The following TARS3 variants were observed in gnomAD, a reference collection of about 807,000 sequenced individuals.
TARS3 encodes the protein threonyl-tRNA synthetase 3.
A neutral mutation model predicts 103.5 loss-of-function variants in TARS3; 94 were observed. The observed-to-expected ratio is 0.91, with a 90% CI of 0.77 to 1.08. The LOEUF is 1.08. Ranked by LOEUF, TARS3 falls within the 50% of genes least tolerant of loss-of-function variation. The probability of loss-of-function intolerance (pLI) is 0.00; values close to 1 mark genes in which losing one functional copy is unlikely to be tolerated. For synonymous variants in TARS3, 416 were observed against 355.4 expected (o/e 1.17, Z -1.92); for missense variants, 952 against 995.2 (o/e 0.96, Z 0.58).
At chr15:101,661,639 A>G in intron 16 of TARS3, 73 bp downstream of exon 16, 1 of 950,682 alleles carries the variant, frequency 1.1e-6, no homozygotes, top group African/African-American at 1.7e-5. Context: ...ATTTTTAAAA[A>G]GGAAAAATGA....
At chr15:101,686,197 T>C (rs539409678) in intron 10 of TARS3, 135 bp from the exon 11 acceptor site, 25 of 722,720 alleles carry the variant, frequency 3.5e-5, no homozygotes, top group Admixed American at 6.2e-5. Flanking sequence ...CCCTCAGTTT[T>C]AGGTGTGGTG....
intron 10 of TARS3, among the ~76,000 whole-genome samples, 183 bp from the exon 11 acceptor site, chr15:101,686,245 G>C (rs1898469875): frequency 6.6e-6 from 1 of 152,130 alleles, no homozygotes; most frequent in African/African-American, 2.4e-5. Flanking sequence ...CATATGCTTA[G>C]TATAATTTCT....
At position 101,686,043 on chromosome 15, in the gene TARS3, T is replaced by C; in HGVS notation, c.1340A>G (p.Asp447Gly). 1 of 1,608,800 alleles carries C rather than the reference T, an allele frequency of 6.2e-7. No homozygotes were observed. The part of the protein sequence containing the change: ...DFIREEYHKR[D>G]FTEVLSPNMY... ...ATTGGGAGAGAGCACCTCCGTGAAG[T>C]CCCGTTTGTGATATTCCTCCTTCAA... Residue 447 changes from aspartate to glycine, a missense_variant, in exon 11 of 19, where the codon GAC becomes GGC. Transcript: ENST00000335968.
At chr15:101,679,646 T>C (rs1355047864) in intron 12 of TARS3, among the ~76,000 whole-genome samples, 1 of 152,228 alleles carries the variant, frequency 6.6e-6, no homozygotes, top group East Asian at 1.9e-4. Flanking sequence ...ATTGTCTTTT[T>C]AAATTCAAGT....
intron 3 of TARS3, among the ~76,000 whole-genome samples, chr15:101,716,101 C>T (rs369415680): frequency 6.6e-6 from 1 of 151,932 alleles, no homozygotes; most frequent in East Asian, 1.9e-4. Context: ...ACCGCAACCC[C>T]TGCCTTCTGG....
intron 15 of TARS3, among the ~76,000 whole-genome samples, chr15:101,665,157 G>A (rs556342953): frequency 2.0e-5 from 3 of 152,248 alleles, no homozygotes; most frequent in South Asian, 2.1e-4. Context: ...CAGAAGGAGC[G>A]GAGGTATAGT....
intron 12 of TARS3, among the ~76,000 whole-genome samples, chr15:101,675,983 C>T (rs1367667043): frequency 1.3e-5 from 2 of 152,130 alleles, no homozygotes; most frequent in East Asian, 1.9e-4. Flanking sequence ...CACAGGAGAG[C>T]GGCACGGAGG....
chr15:101,723,176 A>T lies in TARS3; in HGVS notation c.298-12T>A. 6.2e-7 allele frequency: 1 copy of T among 1,611,118 alleles called. No individual in the cohort carries two copies. Among genetic ancestry groups the T allele is most frequent in the Non-Finnish European group, 8.5e-7 (1 of 1,177,370 alleles). ...TGACTAGGAGGAGGCTGAAAGATAA[A>T]TTATAAATGACTCACATCAATGGCA... On this transcript the variant is annotated splice_polypyrimidine_tract_variant and intron_variant, in intron 1 of 18. Transcript: ENST00000335968.
chr15:101,667,828 A>T (rs909364382), intron 15 of TARS3, among the ~76,000 whole-genome samples: 4 of 152,182 alleles, frequency 2.6e-5, no homozygotes, highest in African/African-American at 9.7e-5. Context: ...TCCTGACCTC[A>T]GGTGATCCAC....
Position 101,654,621 on chromosome 15 carries a change from G to A in TARS3, c.2370C>T (p.Leu790=), listed in dbSNP as rs545359227. 9 of 1,614,114 alleles carry A rather than the reference G, an allele frequency of 5.6e-6. No homozygotes were observed. In the South Asian group the frequency reaches 8.8e-5, roughly 16 times the overall value. The change falls in exon 19 of 19, where the codon CTC becomes CTT. Residue 790 remains leucine, a synonymous_variant. Transcript: ENST00000335968. ...VTSAIDKLKN[L]RKTRTLNAEE... is the part of the protein sequence containing the mutation. ...CAGCATTGAGTGTCCGTGTCTTCCT[G>A]AGATTCTTCAGTTTATCAATGGCAG...
chr15:101,709,929 G>T (rs1346756935), intron 5 of TARS3, among the ~76,000 whole-genome samples: 5 of 152,184 alleles, frequency 3.3e-5, no homozygotes. Context: ...TGTCTTTTGT[G>T]TGCTGATGAG....
At position 101,675,600 on chromosome 15, in the gene TARS3, C is replaced by G. The variant is rs755849373; in HGVS notation, c.1788G>C (p.Lys596Asn). ...AGGAAGCACAAGGTGTGTCTCTTAC[C>G]TTCTCAGCCTCATTCCACATCTCAA... Reference protein sequence around the residue: ...GEIEMWNEAEKQLQNSLMDFG... With the variant: ...GEIEMWNEAENQLQNSLMDFG... Residue 596 changes from lysine (K) to asparagine (N), a missense_variant and splice_region_variant, in exon 13 of 19, where the codon AAG becomes AAC. Physicochemically the swap from Lys to Asn is moderately conservative, Grantham distance 94. This residue lies in a region of TARS3 where 540 missense variants were observed against 631.0 expected (regional missense o/e 0.86). Coordinates refer to ENST00000335968, the MANE Select transcript of TARS3 (RefSeq NM_152334.3). 6 of 1,612,254 alleles carry G rather than the reference C, an allele frequency of 3.7e-6. No individual in the cohort carries two copies. In the South Asian group the frequency reaches 6.6e-5, roughly 18 times the overall value.
chr15:101,704,082 G>T (rs1266417001), intron 7 of TARS3, 145 bp from the exon 8 acceptor site: 2 of 544,236 alleles, frequency 3.7e-6, no homozygotes, highest in Non-Finnish European at 6.4e-6. Flanking sequence ...GAAGGAGAGA[G>T]GTGATTCATC....
Position 101,710,063 on chromosome 15 carries a change from G to A in TARS3, c.813-1153C>T, listed in dbSNP as rs1264386744. On this transcript the variant is annotated intron_variant, in intron 5 of 18. Transcript: ENST00000335968. ...CCTGCCTCCTTAGGGGAAAGGAGAGGGGCTAGAGATTGGGTTATCACCAAA... is the reference window on the plus strand; with the variant it reads ...CCTGCCTCCTTAGGGGAAAGGAGAGAGGCTAGAGATTGGGTTATCACCAAA... Among the ~76,000 whole-genome samples the A allele has an allele frequency of 4.6e-5, 7 of 152,208 alleles. No homozygotes were observed. The East Asian group carries it at 1.3e-3, about 29-fold the overall frequency.
Position 101,724,213 on chromosome 15 carries a change from C to A in TARS3, c.175G>T (p.Ala59Ser). Reference sequence around the variant, plus strand: ...CGGTGGCGCAGGTCGCAGTTCTCGGCCCGGAGCTGCGCCACCTCCCGCGTG... The same window carrying A: ...CGGTGGCGCAGGTCGCAGTTCTCGGACCGGAGCTGCGCCACCTCCCGCGTG... Reference protein sequence around the residue: ...CLTREVAQLRAENCDLRHRLC... With the variant: ...CLTREVAQLRSENCDLRHRLC... Residue 59 changes from alanine to serine, a missense_variant, in exon 1 of 19, where the codon GCC (alanine) becomes TCC (serine). Transcript: ENST00000335968. 1 of 1,534,072 alleles carries A rather than the reference C, an allele frequency of 6.5e-7. No individual in the cohort carries two copies. The highest frequency in any genetic ancestry group is 1.9e-5 in the Admixed American group (1 of 51,296).
chr15:101,654,311 C>T lies in TARS3; in HGVS notation c.*271G>A. The T allele has an allele frequency of 3.0e-6, 1 of 335,752 alleles. No homozygotes were observed. The highest frequency in any genetic ancestry group is 5.3e-6 in the Non-Finnish European group (1 of 188,788). 20.8% of individuals were successfully genotyped at this position (335,752 alleles called of 1,614,324 possible). On this transcript the variant is annotated 3_prime_UTR_variant, in exon 19 of 19. Coordinates refer to ENST00000335968, the MANE Select transcript of TARS3 (RefSeq NM_152334.3). ...ATAATCATTTCCTAGTGTTTTGTTT[C>T]ACTTTCTCGATGAATAATATTTCCC...
chr15:101,713,212 T>C (rs1246341401), intron 4 of TARS3, among the ~76,000 whole-genome samples: 1 of 152,114 alleles, frequency 6.6e-6, no homozygotes, highest in East Asian at 1.9e-4. Flanking sequence ...GGCTCTGTAA[T>C]ATAGAAAAAT....
At chr15:101,685,282 C>T (rs1300355495) in intron 11 of TARS3, among the ~76,000 whole-genome samples, 1 of 152,134 alleles carries the variant, frequency 6.6e-6, no homozygotes, top group Non-Finnish European at 1.5e-5. Context: ...GTTTGTCTTA[C>T]AAGGTTGAAT....
In TARS3 at chr15:101,712,007, T is replaced by C. The variant is rs976329912; in HGVS notation, c.691-6A>G. The C allele has an allele frequency of 8.1e-6, 13 of 1,609,140 alleles. No individual in the cohort carries two copies. Among genetic ancestry groups the C allele is most frequent in the African/African-American group, 6.7e-5 (5 of 74,654 alleles). On this transcript the variant is annotated splice_polypyrimidine_tract_variant and splice_region_variant and intron_variant, in intron 4 of 18. Transcript: ENST00000335968. ...GCACTGGAGTGCCAGTACACCTGCA[T>C]GGCATGGACAAAGAGGCCATTAGCT...
Sources: gnomAD v4.1 joint callset for allele counts (sites outside exome capture counted in the v4.1 genomes callset) on GRCh38, gnomAD v4.1.1 for gene constraint, gnomAD v4.1.1 regional missense constraint, MANE v1.5 for transcripts, NCBI Gene and HGNC (gene_info 2026-07-23, HGNC 2026-07-21) for gene names.